RBM41: variants seen among roughly 807,000 people sequenced by gnomAD.
The protein encoded by RBM41 is RNA binding motif protein 41.
A neutral mutation model predicts 30.8 loss-of-function variants in RBM41; 14 were observed. The observed-to-expected ratio is 0.45, with a 90% CI of 0.30 to 0.71. The LOEUF (loss-of-function observed/expected upper bound fraction) is 0.71, where lower values mean the gene tolerates loss of function less well. Among genes scored for constraint, RBM41 ranks in the 30% least tolerant of loss-of-function variants. RBM41 has a pLI of 0.08. For missense variants in RBM41, 276 were observed against 326.3 expected (o/e 0.85, Z 1.19); for synonymous variants, 120 against 110.1 (o/e 1.09, Z -0.56).
intron 1 of RBM41, 26 bp from the exon 2 acceptor site, chrX:107,116,792 A>T (rs774333371): frequency 2.6e-6 from 3 of 1,161,024 alleles, no homozygotes; most frequent in Non-Finnish European, 3.5e-6. Context: ...GAATATATAC[A>T]GAAAACGGAA....
intron 5 of RBM41, among the ~76,000 whole-genome samples, chrX:107,094,728 C>G (rs968601301): frequency 9.0e-6 from 1 of 110,902 alleles, no homozygotes; most frequent in Non-Finnish European, 1.9e-5. Context: ...CAGAAGGAAG[C>G]AAGAAGGTCA....
chrX:107,075,102 C>A (rs1936184126), intron 6 of RBM41, among the ~76,000 whole-genome samples: 1 of 111,622 alleles, frequency 9.0e-6, no homozygotes, highest in Non-Finnish European at 1.9e-5. Context: ...TAGAAATAAA[C>A]CCATGAAGCT....
chrX:107,062,683 C>T lies in RBM41; in HGVS notation c.*4844G>A, dbSNP rs1935682621. ...AAGTAAAAATCACCCCAAAATCACA[C>T]CACTTTAAAAATTTTACAAAGTGAA... is the stretch of plus-strand genomic sequence containing the variant. On this transcript the variant is annotated 3_prime_UTR_variant, in exon 8 of 8. Transcript: ENST00000685964. Among the ~76,000 whole-genome samples, 1 of 110,652 alleles carries T rather than the reference C, an allele frequency of 9.0e-6. No individual in the cohort carries two copies. Among genetic ancestry groups the T allele is most frequent in the South Asian group, 3.9e-4 (1 of 2,589 alleles).
intron 5 of RBM41, among the ~76,000 whole-genome samples, chrX:107,090,090 T>C (rs140189407): frequency 0.011 from 1,274 of 112,113 alleles, 22 homozygotes; most frequent in African/African-American, 0.039. Context: ...AAATGTCTAA[T>C]GGAGGCCGGG....
intron 5 of RBM41, among the ~76,000 whole-genome samples, chrX:107,095,948 T>C (rs1922932945): frequency 1.8e-5 from 2 of 111,575 alleles, no homozygotes; most frequent in Non-Finnish European, 3.8e-5. Context: ...GCTCAGGAGT[T>C]GGAGGCTGCA....
At chrX:107,068,708 C>A (rs1935933160) in intron 7 of RBM41, among the ~76,000 whole-genome samples, 1 of 111,465 alleles carries the variant, frequency 9.0e-6, no homozygotes, top group African/African-American at 3.3e-5. Context: ...TCCTACAAAG[C>A]CTTCCCCCAA....
Position 107,115,846 on chromosome X carries a change from A to C in RBM41, c.318+16T>G. 1 of 1,155,764 alleles carries C rather than the reference A, an allele frequency of 8.7e-7. No homozygotes were observed. On this transcript the variant is annotated intron_variant, in intron 3 of 7. Coordinates refer to ENST00000685964, the MANE Select transcript of RBM41 (RefSeq NM_001324242.2). ...TGAGGAGAAAAACCAACAAAAAAAA[A>C]CATTACCCCACTCACCTTTTCACCA... is the stretch of plus-strand genomic sequence containing the variant.
At position 107,066,895 on chromosome X, in the gene RBM41, A is replaced by G. The variant is rs952644903; in HGVS notation, c.*632T>C. On this transcript the variant is annotated 3_prime_UTR_variant, in exon 8 of 8. Transcript: ENST00000685964. ...TGATACTCAATGGTTGCTAGCTTAA[A>G]TGGCTGTGAGAACACCAACATTTTG... 77 of 739,038 alleles carry G rather than the reference A, an allele frequency of 1.0e-4. No individual in the cohort carries two copies. Among genetic ancestry groups the G allele is most frequent in the Middle Eastern group, 1.5e-3 (2 of 1,324 alleles). 60.9% of individuals were successfully genotyped at this position (739,038 alleles called of 1,213,427 possible).
At chrX:107,111,253 A>G (rs1924438135) in intron 5 of RBM41, among the ~76,000 whole-genome samples, 2 of 111,858 alleles carry the variant, frequency 1.8e-5, no homozygotes, top group Admixed American at 1.9e-4. Context: ...ACATCTCCAA[A>G]GAAGATATAC....
At chrX:107,079,182 T>C (rs1921275610) in intron 6 of RBM41, among the ~76,000 whole-genome samples, 1 of 112,120 alleles carries the variant, frequency 8.9e-6, no homozygotes, top group South Asian at 3.7e-4. Context: ...AATCCATGTA[T>C]ATATAAACAC....
chrX:107,081,995 G>A (rs920965761), intron 6 of RBM41, among the ~76,000 whole-genome samples: 2 of 111,642 alleles, frequency 1.8e-5, no homozygotes, highest in Non-Finnish European at 3.8e-5. Context: ...TTCCCAATCT[G>A]TATACTTTTA....
At chrX:107,075,681 G>T (rs766048909) in intron 6 of RBM41, among the ~76,000 whole-genome samples, 7 of 111,231 alleles carry the variant, frequency 6.3e-5, no homozygotes, top group African/African-American at 9.8e-5. Flanking sequence ...AACACAATGA[G>T]ATACCACATA....
chrX:107,091,788 C>G lies in RBM41; in HGVS notation c.596-2949G>C, dbSNP rs764962908. ...ACTATAAGCACTGTTCTACAATTTACTTTTTTGCACTTAACAATATGTCCT... is the reference window on the plus strand; with the variant it reads ...ACTATAAGCACTGTTCTACAATTTAGTTTTTTGCACTTAACAATATGTCCT... On this transcript the variant is annotated intron_variant, in intron 5 of 7. Coordinates refer to ENST00000685964, the MANE Select transcript of RBM41 (RefSeq NM_001324242.2). 4.5e-5 allele frequency among the ~76,000 whole-genome samples: 5 copies of G among 112,056 alleles called. No homozygotes were observed. The East Asian group carries it at 1.4e-3, about 31-fold the overall frequency.
At chrX:107,117,035 T>C (rs1202049186) in intron 1 of RBM41, among the ~76,000 whole-genome samples, 1 of 111,923 alleles carries the variant, frequency 8.9e-6, no homozygotes. Context: ...GGAGAAGAAG[T>C]GTGTGTTTAT....
Position 107,067,462 on chromosome X carries a change from A to G in RBM41, c.*65T>C. On this transcript the variant is annotated 3_prime_UTR_variant, in exon 8 of 8. Coordinates refer to ENST00000685964, the MANE Select transcript of RBM41 (RefSeq NM_001324242.2). ...ACTCCAAACAAACTGGTGTCTATAC[A>G]TAAATCCTAGATCCAAGATTCCAAT... 9 of 1,133,465 alleles carry G rather than the reference A, an allele frequency of 7.9e-6. No homozygotes were observed. The highest frequency in any genetic ancestry group is 1.0e-5 in the Non-Finnish European group (9 of 857,353). The allele number at this position is 1,133,465 out of a possible 1,213,427, so 93.4% of individuals were successfully genotyped here.
intron 6 of RBM41, among the ~76,000 whole-genome samples, chrX:107,085,388 T>C (rs1463027515): frequency 2.8e-5 from 3 of 108,501 alleles, no homozygotes; most frequent in African/African-American, 1.0e-4. Context: ...TGCCTCAGCC[T>C]CCTGAGCAGC....
the RBM41 span, among the ~76,000 whole-genome samples, chrX:107,054,204 G>A: frequency 9.0e-6 from 1 of 111,331 alleles, no homozygotes; most frequent in African/African-American, 3.3e-5. Flanking sequence ...CAGTGAGCAT[G>A]CCGTTCACAT....
the RBM41 span, among the ~76,000 whole-genome samples, chrX:107,052,789 A>C: frequency 8.9e-6 from 1 of 111,753 alleles, no homozygotes; most frequent in Non-Finnish European, 1.9e-5. Flanking sequence ...TAAGAAGGGG[A>C]GAACCCAGGG....
Position 107,118,777 on chromosome X carries a change from T to G in RBM41, c.-4A>C. Reference sequence around the variant, plus strand: ...AGACAAGTCCTTACCTCTTCATGTTTCCACAGGCCCCTACCTCCAACTTGG... The same window carrying G: ...AGACAAGTCCTTACCTCTTCATGTTGCCACAGGCCCCTACCTCCAACTTGG... On this transcript the variant is annotated 5_prime_UTR_variant, in exon 1 of 8. Coordinates refer to ENST00000685964, the MANE Select transcript of RBM41 (RefSeq NM_001324242.2). 1 of 1,211,743 alleles carries G rather than the reference T, an allele frequency of 8.3e-7. No individual in the cohort carries two copies. The highest frequency in any genetic ancestry group is 1.1e-6 in the Non-Finnish European group (1 of 895,472).
Sources: allele counts gnomAD v4.1 joint callset (sites outside exome capture counted in the v4.1 genomes callset), GRCh38; gene constraint gnomAD v4.1.1; transcripts MANE v1.5; gene names NCBI Gene and HGNC (gene_info 2026-07-23, HGNC 2026-07-21).